RGS7: variants seen among roughly 807,000 people sequenced by gnomAD.
The protein encoded by RGS7 is regulator of G-protein signaling 7.
Under a neutral mutation model 81.1 loss-of-function variants are expected in RGS7, and 27 were observed. The observed-to-expected ratio is 0.33, with a 90% CI of 0.25 to 0.46. RGS7 has a LOEUF of 0.46. Among genes scored for constraint, RGS7 ranks in the 20% least tolerant of loss-of-function variants. The pLI, the probability that RGS7 is intolerant of heterozygous loss-of-function variation, is 1.00. For missense variants in RGS7, 396 were observed against 607.4 expected, an observed-to-expected ratio of 0.65 and a Z score of 3.66; for synonymous variants, 208 against 207.7, an observed-to-expected ratio of 1.00 and a Z score of -0.01.
intron 4 of RGS7, among the ~76,000 whole-genome samples, chr1:240,960,396 A>ACCATGCC (rs1356438025): frequency 6.7e-6 from 1 of 150,304 alleles, no homozygotes. Context: ...GGGGCACAGC[A>ACCATGCC]CCATGCCCAG....
intron 2 of RGS7, among the ~76,000 whole-genome samples, chr1:241,321,348 A>G (rs967736086): frequency 2.0e-5 from 3 of 152,184 alleles, no homozygotes; most frequent in Non-Finnish European, 4.4e-5. Flanking sequence ...AAAAAGCACA[A>G]GCAGTTTTTT....
chr1:241,342,733 C>T (rs892677655), intron 2 of RGS7, among the ~76,000 whole-genome samples: 2 of 151,942 alleles, frequency 1.3e-5, no homozygotes, highest in Admixed American at 1.3e-4. Flanking sequence ...ATAGATTGTC[C>T]GAAGAATATA....
At chr1:240,908,233 G>T (rs1228030061) in intron 6 of RGS7, among the ~76,000 whole-genome samples, 9 of 151,456 alleles carry the variant, frequency 5.9e-5, no homozygotes, top group Admixed American at 4.6e-4. Context: ...AGCATTAGGA[G>T]AGATACCTAA....
chr1:241,250,224 C>T (rs1031047751), intron 2 of RGS7, among the ~76,000 whole-genome samples: 1 of 151,992 alleles, frequency 6.6e-6, no homozygotes, highest in Non-Finnish European at 1.5e-5. Context: ...TTTAGTATAT[C>T]CTTTTCTATT....
chr1:241,295,897 G>A (rs530350119), intron 2 of RGS7, among the ~76,000 whole-genome samples: 6 of 152,314 alleles, frequency 3.9e-5, no homozygotes, highest in East Asian at 1.9e-4. Context: ...GGTATAAACC[G>A]CCTGGGAGAA....
intron 3 of RGS7, among the ~76,000 whole-genome samples, chr1:241,089,145 A>T (rs1330034606): frequency 7.2e-6 from 1 of 138,398 alleles, no homozygotes; most frequent in Non-Finnish European, 1.5e-5. Context: ...ATAGGGGAAA[A>T]GGAGGGAAAG....
intron 3 of RGS7, among the ~76,000 whole-genome samples, chr1:241,039,235 T>C (rs2060483330): frequency 6.6e-6 from 1 of 152,182 alleles, no homozygotes; most frequent in Admixed American, 6.5e-5. Context: ...CTTTTCCTAA[T>C]TGGAATTTAT....
chr1:241,127,296 C>T (rs1558751396), intron 2 of RGS7, among the ~76,000 whole-genome samples: 2 of 152,064 alleles, frequency 1.3e-5, no homozygotes, highest in Admixed American at 6.5e-5. Context: ...AAAAAGTAAC[C>T]ATATATTAGT....
At chr1:241,071,926 A>G (rs1462952337) in intron 3 of RGS7, among the ~76,000 whole-genome samples, 2 of 150,798 alleles carry the variant, frequency 1.3e-5, no homozygotes, top group Non-Finnish European at 3.0e-5. Context: ...AGAATATACT[A>G]TGTGATAGTT....
intron 10 of RGS7, among the ~76,000 whole-genome samples, chr1:240,825,821 G>C (rs1692704304): frequency 6.6e-6 from 1 of 152,188 alleles, no homozygotes. Flanking sequence ...GCCGAAGAGA[G>C]AGTATAAATG....
intron 2 of RGS7, among the ~76,000 whole-genome samples, chr1:241,177,275 G>C (rs73131659): frequency 3.3e-5 from 5 of 152,162 alleles, no homozygotes; most frequent in Admixed American, 6.5e-5. Context: ...CTGGAGTGAC[G>C]AGAAGAAGCC....
At chr1:240,875,695 T>C (rs1665285865) in intron 6 of RGS7, among the ~76,000 whole-genome samples, 1 of 152,214 alleles carries the variant, frequency 6.6e-6, no homozygotes, top group Non-Finnish European at 1.5e-5. Context: ...TCCCCAACGC[T>C]TGTTACCTTT....
chr1:240,875,334 C>T (rs978743621), intron 6 of RGS7, among the ~76,000 whole-genome samples: 27 of 152,098 alleles, frequency 1.8e-4, no homozygotes, highest in East Asian at 1.9e-4. Flanking sequence ...GTCCTCCAGG[C>T]GCATCATGTT....
At chr1:241,079,654 T>C (rs1329242161) in intron 3 of RGS7, among the ~76,000 whole-genome samples, 1 of 152,152 alleles carries the variant, frequency 6.6e-6, no homozygotes, top group Non-Finnish European at 1.5e-5. Flanking sequence ...GAAAACCAAA[T>C]GATGTCATCA....
At chr1:240,825,620 A>G (rs1692665317) in intron 10 of RGS7, among the ~76,000 whole-genome samples, 1 of 152,192 alleles carries the variant, frequency 6.6e-6, no homozygotes, top group Admixed American at 6.5e-5. Context: ...TGTTATCGAG[A>G]CAAAGAGAGC....
chr1:240,879,108 T>C (rs1426739491), intron 6 of RGS7, among the ~76,000 whole-genome samples: 1 of 152,168 alleles, frequency 6.6e-6, no homozygotes, highest in Non-Finnish European at 1.5e-5. Flanking sequence ...CAGACTTGAA[T>C]TTTTGCCAAT....
At chr1:240,873,916 C>T (rs987407210) in intron 6 of RGS7, among the ~76,000 whole-genome samples, 10 of 151,710 alleles carry the variant, frequency 6.6e-5, no homozygotes, top group African/African-American at 2.2e-4. Context: ...TAATTCTTCT[C>T]TTGTTCCTGA....
intron 2 of RGS7, among the ~76,000 whole-genome samples, chr1:241,107,606 A>C (rs573558671): frequency 6.6e-6 from 1 of 152,330 alleles, no homozygotes; most frequent in South Asian, 2.1e-4. Flanking sequence ...CTACCTATAT[A>C]AGTGAAACCT....
At chr1:240,865,438 G>A (rs534442798) in intron 9 of RGS7, among the ~76,000 whole-genome samples, 2 of 152,190 alleles carry the variant, frequency 1.3e-5, no homozygotes, top group Non-Finnish European at 2.9e-5. Flanking sequence ...TTTCCTACAC[G>A]TGGTCTGGGA....
Sources: gnomAD v4.1 joint callset for allele counts (sites outside exome capture counted in the v4.1 genomes callset) on GRCh38, gnomAD v4.1.1 for gene constraint, MANE v1.5 for transcripts, NCBI Gene and HGNC (gene_info 2026-07-23, HGNC 2026-07-21) for gene names.